The following SPAG16 variants were observed in gnomAD, a reference collection of about 807,000 sequenced individuals.
SPAG16 encodes sperm-associated antigen 16 protein.
A neutral mutation model predicts 80.4 loss-of-function variants in SPAG16; 86 were observed. The observed-to-expected ratio is 1.07, with a 90% CI of 0.90 to 1.28. SPAG16 has a LOEUF of 1.28. SPAG16 is among the 50% of genes most tolerant of loss of function. The pLI is 0.00. For missense variants in SPAG16, 870 were observed against 765.3 expected, an observed-to-expected ratio of 1.14 and a Z score of -1.61; for synonymous variants, 294 against 265.9, an observed-to-expected ratio of 1.11 and a Z score of -1.03.
intron 9 of SPAG16, among the ~76,000 whole-genome samples, chr2:213,433,410 A>G (rs573815632): frequency 1.3e-5 from 2 of 152,364 alleles, no homozygotes; most frequent in South Asian, 2.1e-4. Flanking sequence ...AAGTTTTATT[A>G]TACAAAATCA....
intron 10 of SPAG16, among the ~76,000 whole-genome samples, chr2:213,535,558 A>G (rs974815930): frequency 1.3e-5 from 2 of 152,152 alleles, no homozygotes; most frequent in Admixed American, 1.3e-4. Flanking sequence ...TTCATTTCTT[A>G]TTGAAATCAT....
intron 10 of SPAG16, among the ~76,000 whole-genome samples, chr2:213,561,062 A>G (rs1201903158): frequency 6.6e-6 from 1 of 152,054 alleles, no homozygotes; most frequent in Non-Finnish European, 1.5e-5. Context: ...TGAGGTTTCA[A>G]TATGTTGGCA....
chr2:213,346,585 G>A (rs1056790284), intron 6 of SPAG16, among the ~76,000 whole-genome samples: 2 of 152,280 alleles, frequency 1.3e-5, no homozygotes, highest in South Asian at 2.1e-4. Flanking sequence ...AGAGTTTTTA[G>A]CATGAAGGTT....
chr2:213,786,882 A>T lies in SPAG16; in HGVS notation c.1071-75603A>T, dbSNP rs527555413. ...CAATAAATTTATTGAGGAATTTGCA[A>T]TTAGTAATAGTTACTAGAGTTAAAA... On this transcript the variant is annotated intron_variant, in intron 10 of 15. Transcript: ENST00000331683. Among the ~76,000 whole-genome samples, 38 of 152,302 alleles carry T rather than the reference A, an allele frequency of 2.5e-4. 1 individual carries two copies. The highest frequency in any genetic ancestry group is 8.4e-4 in the African/African-American group (35 of 41,564).
chr2:213,365,945 A>T (rs951340096), intron 8 of SPAG16, among the ~76,000 whole-genome samples: 1 of 150,268 alleles, frequency 6.7e-6, no homozygotes, highest in Non-Finnish European at 1.5e-5. Flanking sequence ...GATCGAGACC[A>T]TCCCGGCTAA....
chr2:214,053,073 A>T (rs2049746939), intron 13 of SPAG16, among the ~76,000 whole-genome samples: 1 of 152,148 alleles, frequency 6.6e-6, no homozygotes, highest in Non-Finnish European at 1.5e-5. Context: ...AAGACATGAA[A>T]ATTAGACCTG....
At chr2:214,332,208 C>T (rs1576802182) in intron 15 of SPAG16, among the ~76,000 whole-genome samples, 1 of 152,306 alleles carries the variant, frequency 6.6e-6, no homozygotes, top group East Asian at 1.9e-4. Flanking sequence ...GCCAAGATCA[C>T]ACCACTGCAC....
Position 213,419,624 on chromosome 2 carries a change from A to G in SPAG16, c.942+44505A>G, listed in dbSNP as rs560265358. 9.2e-5 allele frequency among the ~76,000 whole-genome samples: 14 copies of G among 152,294 alleles called. No individual in the cohort carries two copies. The South Asian group carries it at 2.5e-3, about 27-fold the overall frequency. On this transcript the variant is annotated intron_variant, in intron 9 of 15. Coordinates refer to ENST00000331683, the MANE Select transcript of SPAG16 (RefSeq NM_024532.5). ...AAAAGAACACCTTTTTAAAAAATTA[A>G]GATTGTTTTTCTCTTGAAAATAATT... is the stretch of plus-strand genomic sequence containing the variant.
At chr2:213,594,660 C>G (rs1214149527) in intron 10 of SPAG16, among the ~76,000 whole-genome samples, 1 of 152,076 alleles carries the variant, frequency 6.6e-6, no homozygotes, top group Non-Finnish European at 1.5e-5. Context: ...TAAATGTTAT[C>G]GCAATTCATC....
intron 8 of SPAG16, among the ~76,000 whole-genome samples, chr2:213,368,060 C>G (rs1321507000): frequency 1.9e-4 from 29 of 150,422 alleles, no homozygotes; most frequent in African/African-American, 6.4e-4. Flanking sequence ...TTCCCCATTG[C>G]TTGTTTTTGT....
At chr2:213,818,526 A>G (rs1179489249) in intron 10 of SPAG16, among the ~76,000 whole-genome samples, 2 of 152,212 alleles carry the variant, frequency 1.3e-5, no homozygotes, top group Middle Eastern at 3.2e-3. Flanking sequence ...GTCCATGTAT[A>G]TATGAATAAA....
At chr2:213,746,670 G>T (rs1336004276) in intron 10 of SPAG16, among the ~76,000 whole-genome samples, 1 of 152,134 alleles carries the variant, frequency 6.6e-6, no homozygotes, top group Non-Finnish European at 1.5e-5. Context: ...AGCTGGGCGT[G>T]GTGGTGCGTG....
At chr2:213,863,205 T>A (rs1027866374) in intron 11 of SPAG16, among the ~76,000 whole-genome samples, 1 of 152,170 alleles carries the variant, frequency 6.6e-6, no homozygotes. Context: ...AAACTGCCCA[T>A]AGTTCCTTGT....
At chr2:213,957,049 G>C (rs2044183008) in intron 12 of SPAG16, among the ~76,000 whole-genome samples, 1 of 151,758 alleles carries the variant, frequency 6.6e-6, no homozygotes, top group Non-Finnish European at 1.5e-5. Context: ...CTAAAATATG[G>C]TCTATCCTGG....
At chr2:214,126,453 G>C (rs1234132302) in intron 14 of SPAG16, among the ~76,000 whole-genome samples, 1 of 151,532 alleles carries the variant, frequency 6.6e-6, no homozygotes, top group African/African-American at 2.4e-5. Flanking sequence ...CAACAGCCAG[G>C]CCTGGTTTAT....
intron 15 of SPAG16, among the ~76,000 whole-genome samples, chr2:214,234,093 G>A (rs953704696): frequency 2.6e-5 from 4 of 151,886 alleles, no homozygotes; most frequent in Non-Finnish European, 5.9e-5. Context: ...ATGTGTCCAT[G>A]TGTTCTCATT....
intron 11 of SPAG16, among the ~76,000 whole-genome samples, chr2:213,866,431 G>A (rs981482604): frequency 3.9e-5 from 6 of 152,156 alleles, no homozygotes; most frequent in Non-Finnish European, 8.8e-5. Flanking sequence ...TAAATGATCC[G>A]ACTATGAGGA....
intron 9 of SPAG16, among the ~76,000 whole-genome samples, chr2:213,475,456 G>T (rs140051696): frequency 0.017 from 2,650 of 152,210 alleles, 65 homozygotes; most frequent in African/African-American, 0.05. Flanking sequence ...GCAGGCTGCA[G>T]GTGGTTTGTT....
intron 10 of SPAG16, among the ~76,000 whole-genome samples, chr2:213,549,275 T>G (rs963578680): frequency 2.0e-5 from 3 of 151,926 alleles, no homozygotes; most frequent in African/African-American, 7.3e-5. Context: ...AAATTTTCTC[T>G]TATATTATTT....
Sources: gnomAD v4.1 joint callset for allele counts (sites outside exome capture counted in the v4.1 genomes callset) on GRCh38, gnomAD v4.1.1 for gene constraint, MANE v1.5 for transcripts, NCBI Gene and HGNC (gene_info 2026-07-23, HGNC 2026-07-21) for gene names.